The following LRP1B variants were observed in gnomAD, a reference collection of about 807,000 sequenced individuals.
The protein encoded by LRP1B is low-density lipoprotein receptor-related protein 1B.
A neutral mutation model predicts 556.6 loss-of-function variants in LRP1B; 217 were observed. That is an observed-to-expected ratio of 0.39 (90% CI 0.35 to 0.44). The LOEUF is 0.44. Ranked by LOEUF, LRP1B falls within the 20% of genes least tolerant of loss-of-function variation. The pLI is 1.00. For synonymous variants in LRP1B, 2,047 were observed against 1,865.8 expected, an observed-to-expected ratio of 1.10 and a Z score of -2.50; for missense variants, 5,053 against 5,620.8, an observed-to-expected ratio of 0.90 and a Z score of 3.23.
intron 43 of LRP1B, among the ~76,000 whole-genome samples, chr2:140,579,702 C>T (rs901522213): frequency 7.9e-5 from 12 of 152,082 alleles, no homozygotes; most frequent in Middle Eastern, 3.4e-3. Context: ...ATCAGCCGGG[C>T]GTGATAGCAC....
At chr2:140,298,437 AAATCTTGTAAT>A in intron 83 of LRP1B, among the ~76,000 whole-genome samples, 1 of 152,214 alleles carries the variant, frequency 6.6e-6, no homozygotes, top group South Asian at 2.1e-4. Context: ...TGTTATAAAT[AAATCTTGTAAT>A]AAGTTTAAAG....
intron 7 of LRP1B, among the ~76,000 whole-genome samples, chr2:141,163,712 G>A (rs560566091): frequency 1.3e-5 from 2 of 152,018 alleles, no homozygotes; most frequent in Non-Finnish European, 2.9e-5. Context: ...TCTCTCGTCT[G>A]CTGCCATGTA....
At chr2:141,580,373 T>A (rs1301581250) in intron 2 of LRP1B, among the ~76,000 whole-genome samples, 1 of 152,218 alleles carries the variant, frequency 6.6e-6, no homozygotes, top group Non-Finnish European at 1.5e-5. Context: ...CAGAGCACTA[T>A]CAACCTGCTT....
intron 35 of LRP1B, among the ~76,000 whole-genome samples, chr2:140,766,844 T>TAA (rs1491148843): frequency 1.3e-4 from 7 of 54,936 alleles, no homozygotes; most frequent in African/African-American, 3.0e-4. Flanking sequence ...TATATATATA[T>TAA]TATATATATA....
chr2:140,741,805 T>C (rs928631796), intron 35 of LRP1B, among the ~76,000 whole-genome samples: 3 of 152,224 alleles, frequency 2.0e-5, no homozygotes, highest in Admixed American at 2.0e-4. Flanking sequence ...GTTTCCTTCT[T>C]TGTATCTATA....
rs141377414 is a variant in LRP1B at position 141,716,972 on chromosome 2, G to A, written c.205+93307C>T. ...TTTCTCCCCCAGCATGATCCACAGG[G>A]GGGGGTCGCAATTCAGAGTTGCTCC... On this transcript the variant is annotated intron_variant, in intron 2 of 90. Transcript: ENST00000389484. 8.1e-4 allele frequency among the ~76,000 whole-genome samples: 113 copies of A among 139,000 alleles called. 4 individuals carry two copies. The South Asian group carries it at 0.028, about 35-fold the overall frequency. The allele number at this position is 139,000 out of a possible 152,430, so 91.2% of individuals were successfully genotyped here.
chr2:141,384,685 T>C (rs1051869476), intron 3 of LRP1B, among the ~76,000 whole-genome samples: 2 of 152,234 alleles, frequency 1.3e-5, no homozygotes, highest in Admixed American at 6.5e-5. Context: ...TAACACTCCC[T>C]TGAAGCAGTG....
intron 3 of LRP1B, among the ~76,000 whole-genome samples, chr2:141,467,960 C>G (rs915686456): frequency 5.9e-5 from 9 of 151,938 alleles, no homozygotes; most frequent in Non-Finnish European, 8.8e-5. Context: ...TGTTTGTCAT[C>G]TCTGCCCAGT....
chr2:140,968,341 A>G (rs1455646652), intron 18 of LRP1B, among the ~76,000 whole-genome samples: 1 of 151,794 alleles, frequency 6.6e-6, no homozygotes, highest in Non-Finnish European at 1.5e-5. Context: ...GTATTCTCTG[A>G]GGGTAGCTTG....
At chr2:141,284,592 C>T (rs531447273) in intron 3 of LRP1B, among the ~76,000 whole-genome samples, 5 of 152,256 alleles carry the variant, frequency 3.3e-5, no homozygotes, top group African/African-American at 9.6e-5. Context: ...AAAAGCTTTA[C>T]GATTTTAGCT....
chr2:140,379,343 A>C (rs567831833), intron 67 of LRP1B, among the ~76,000 whole-genome samples: 1 of 152,296 alleles, frequency 6.6e-6, no homozygotes, highest in African/African-American at 2.4e-5. Flanking sequence ...TGGTTTCTAC[A>C]TATAGAGTAA....
Position 140,716,668 on chromosome 2 carries a change from G to T in LRP1B, c.5893+14C>A, listed in dbSNP as rs200859286. The T allele has an allele frequency of 6.3e-7, 1 of 1,594,314 alleles. No individual in the cohort carries two copies. Among genetic ancestry groups the T allele is most frequent in the Non-Finnish European group, 8.5e-7 (1 of 1,172,376 alleles). On this transcript the variant is annotated intron_variant, in intron 36 of 90. Coordinates refer to ENST00000389484, the MANE Select transcript of LRP1B (RefSeq NM_018557.3). Reference sequence around the variant, plus strand: ...TAGGTGTGAAACAGAAAGATAAAAAGCCATGGATTATACCAGCAATCCAGT... The same window carrying T: ...TAGGTGTGAAACAGAAAGATAAAAATCCATGGATTATACCAGCAATCCAGT...
At chr2:140,704,870 A>G (rs1395216260) in intron 37 of LRP1B, among the ~76,000 whole-genome samples, 1 of 152,198 alleles carries the variant, frequency 6.6e-6, no homozygotes, top group Non-Finnish European at 1.5e-5. Flanking sequence ...TAAAAATATT[A>G]TTTTGAGTGA....
intron 20 of LRP1B, among the ~76,000 whole-genome samples, chr2:140,941,139 G>A (rs116082097): frequency 0.019 from 2,895 of 152,218 alleles, 37 homozygotes; most frequent in Non-Finnish European, 0.027. Flanking sequence ...GAGAAAAAAA[G>A]CGGGTATAAA....
intron 66 of LRP1B, among the ~76,000 whole-genome samples, chr2:140,389,825 G>T (rs183187433): frequency 1.5e-4 from 23 of 151,128 alleles, no homozygotes; most frequent in Admixed American, 1.4e-3. Flanking sequence ...AGATAAGATT[G>T]TTGTAAAATT....
chr2:141,294,801 T>C (rs942613178), intron 3 of LRP1B, among the ~76,000 whole-genome samples: 1 of 151,840 alleles, frequency 6.6e-6, no homozygotes, highest in Non-Finnish European at 1.5e-5. Flanking sequence ...AAATATATTA[T>C]GCTATTTTTC....
At chr2:141,775,420 G>A (rs1425585285) in intron 2 of LRP1B, among the ~76,000 whole-genome samples, 3 of 152,130 alleles carry the variant, frequency 2.0e-5, no homozygotes, top group Non-Finnish European at 4.4e-5. Context: ...TGAACCAGTT[G>A]TAACTTCTTA....
intron 31 of LRP1B, among the ~76,000 whole-genome samples, chr2:140,830,689 G>T (rs547103287): frequency 2.0e-5 from 3 of 152,038 alleles, no homozygotes; most frequent in Non-Finnish European, 4.4e-5. Context: ...CTAAGTTCTG[G>T]AACAAGACAA....
intron 3 of LRP1B, among the ~76,000 whole-genome samples, chr2:141,303,933 G>A (rs1686488527): frequency 6.6e-6 from 1 of 151,872 alleles, no homozygotes; most frequent in Non-Finnish European, 1.5e-5. Flanking sequence ...TTTATTATTT[G>A]TCTTTTTAAT....
Sources: allele counts gnomAD v4.1 joint callset (sites outside exome capture counted in the v4.1 genomes callset), GRCh38; gene constraint gnomAD v4.1.1; transcripts MANE v1.5; gene names NCBI Gene and HGNC (gene_info 2026-07-23, HGNC 2026-07-21).